Variants in UNC79 observed in about 807,000 individuals in gnomAD.
UNC79 encodes protein unc-79 homolog.
Under a neutral mutation model 283.1 loss-of-function variants are expected in UNC79, and 37 were observed. That is an observed-to-expected ratio of 0.13 (90% CI 0.10 to 0.17). The LOEUF is 0.17. UNC79 is among the 10% of genes least tolerant of loss of function. UNC79 has a pLI of 1.00. For synonymous variants in UNC79, 1,107 were observed against 1,200.2 expected (o/e 0.92, Z 1.61); for missense variants, 2,272 against 3,211.1 (o/e 0.71, Z 7.07).
chr14:93,344,837 G>T (rs2053790509), intron 1 of UNC79, among the ~76,000 whole-genome samples: 1 of 152,200 alleles, frequency 6.6e-6, no homozygotes, highest in South Asian at 2.1e-4. Context: ...TAGGGAGGTG[G>T]CCAGCCATGG....
chr14:93,477,268 T>G (rs561609770), intron 3 of UNC79, among the ~76,000 whole-genome samples: 8 of 152,312 alleles, frequency 5.3e-5, no homozygotes, highest in African/African-American at 1.4e-4. Flanking sequence ...TTATCTTGTG[T>G]AGAATGTAGT....
Position 93,653,724 on chromosome 14 carries a change from T to TC in UNC79, c.6084-14dup. 1 of 1,604,210 alleles carries TC rather than the reference T, an allele frequency of 6.2e-7. No homozygotes were observed. The highest frequency in any genetic ancestry group is 8.5e-7 in the Non-Finnish European group (1 of 1,172,990). ...CTGGCCCATGACTTCGTGTCTTTTCTCCCCTGTTCAACTCCAGCATGATGG... is the reference window on the plus strand; with the variant it reads ...CTGGCCCATGACTTCGTGTCTTTTCTCCCCCTGTTCAACTCCAGCATGATGG... On this transcript the variant is annotated splice_polypyrimidine_tract_variant and intron_variant, in intron 35 of 48. Coordinates refer to ENST00000555664, the Ensembl canonical transcript of UNC79.
At chr14:93,518,411 T>G (rs574600894) in intron 7 of UNC79, among the ~76,000 whole-genome samples, 85 of 152,140 alleles carry the variant, frequency 5.6e-4, no homozygotes, top group Non-Finnish European at 1.0e-3. Context: ...CTACCTTTCA[T>G]TCCTGATATT....
At position 93,452,375 on chromosome 14, in the gene UNC79, ATTTTTTT is replaced by A. The variant is rs35284465; in HGVS notation, c.23-15280_23-15274del. 3.7e-3 allele frequency among the ~76,000 whole-genome samples: 408 copies of A among 108,872 alleles called. 1 individual carries two copies. The highest frequency in any genetic ancestry group is 4.8e-3 in the Non-Finnish European group (262 of 54,948). 71.4% of individuals were successfully genotyped at this position (108,872 alleles called of 152,430 possible). A position where few individuals can be genotyped will look rare whatever the true frequency, so the allele number is the denominator to read the frequency against. Reference sequence around the variant, plus strand: ...GAACAGATTACACCTGGACTGCATGATTTTTTTTTTTTTTTTTTTTTTGAGACGGAGT... The same window carrying A: ...GAACAGATTACACCTGGACTGCATGATTTTTTTTTTTTTTTGAGACGGAGT... On this transcript the variant is annotated intron_variant, in intron 1 of 48. Coordinates refer to ENST00000555664, the Ensembl canonical transcript of UNC79.
chr14:93,367,625 A>C (rs2054362001), intron 1 of UNC79, among the ~76,000 whole-genome samples: 1 of 135,570 alleles, frequency 7.4e-6, no homozygotes, highest in African/African-American at 2.6e-5. Flanking sequence ...AGGTATGGTA[A>C]ATTGAAAAAA....
At chr14:93,525,227 C>T (rs1318970393) in intron 8 of UNC79, among the ~76,000 whole-genome samples, 1 of 151,994 alleles carries the variant, frequency 6.6e-6, no homozygotes, top group Non-Finnish European at 1.5e-5. Flanking sequence ...GGTGGATTGC[C>T]TGAGGTCGGG....
chr14:93,452,465 A>G (rs1193279939), intron 1 of UNC79, among the ~76,000 whole-genome samples: 1 of 147,618 alleles, frequency 6.8e-6, no homozygotes, highest in Non-Finnish European at 1.5e-5. Flanking sequence ...CTCGGCTCAC[A>G]GCAACCTCCG....
intron 39 of UNC79, among the ~76,000 whole-genome samples, chr14:93,659,890 TCTC>T (rs1203110891): frequency 1.3e-5 from 2 of 152,244 alleles, no homozygotes; most frequent in African/African-American, 4.8e-5. Context: ...GTGAACTCCT[TCTC>T]ATTCTTCAAG....
chr14:93,555,097 A>C (rs776733418), intron 14 of UNC79, among the ~76,000 whole-genome samples: 2 of 152,220 alleles, frequency 1.3e-5, no homozygotes, highest in Non-Finnish European at 2.9e-5. Flanking sequence ...GCAGTTCCTG[A>C]CCTGCCTAAT....
intron 1 of UNC79, among the ~76,000 whole-genome samples, chr14:93,377,374 G>A (rs763146733): frequency 2.6e-5 from 4 of 152,084 alleles, no homozygotes; most frequent in Admixed American, 6.5e-5. Context: ...GATTACAGGT[G>A]TGAGCCACTG....
chr14:93,480,949 C>T (rs2058099227), intron 4 of UNC79, among the ~76,000 whole-genome samples: 2 of 152,134 alleles, frequency 1.3e-5, no homozygotes, highest in Non-Finnish European at 2.9e-5. Context: ...AAAACATGAA[C>T]TGCTTTTCAG....
chr14:93,632,571 G>A (rs562337945), intron 31 of UNC79, among the ~76,000 whole-genome samples: 22 of 151,950 alleles, frequency 1.4e-4, no homozygotes, highest in South Asian at 8.3e-4. Context: ...GTGGTGGCGC[G>A]CACCATAGTC....
intron 23 of UNC79, among the ~76,000 whole-genome samples, chr14:93,595,922 ATG>A (rs1252659437): frequency 6.6e-6 from 1 of 152,144 alleles, no homozygotes; most frequent in East Asian, 1.9e-4. Flanking sequence ...TGGTATACAT[ATG>A]TGTGCTTAAT....
chr14:93,612,945 T>C (rs2066414314), exon 27 of UNC79: 2 of 1,614,126 alleles, frequency 1.2e-6, no homozygotes, highest in South Asian at 1.1e-5. Context: ...ACATCAGCAG[T>C]GCAAAGGCCT....
intron 1 of UNC79, among the ~76,000 whole-genome samples, chr14:93,417,997 C>T (rs570345178): frequency 1.2e-4 from 18 of 151,898 alleles, no homozygotes; most frequent in African/African-American, 3.1e-4. Flanking sequence ...GTAGTTTGAT[C>T]GTCTGAAGCC....
intron 1 of UNC79, among the ~76,000 whole-genome samples, chr14:93,353,972 A>G (rs1303746666): frequency 6.6e-6 from 1 of 152,234 alleles, no homozygotes; most frequent in East Asian, 1.9e-4. Flanking sequence ...GGGTATGGAA[A>G]ATAGCCATGG....
chr14:93,356,641 G>A (rs2054091454), intron 1 of UNC79, among the ~76,000 whole-genome samples: 1 of 152,200 alleles, frequency 6.6e-6, no homozygotes, highest in Non-Finnish European at 1.5e-5. Context: ...TAGATGAGCA[G>A]AAATAACTGG....
At chr14:93,578,154 C>T in intron 18 of UNC79, 91 bp downstream of exon 18, 1 of 1,226,960 alleles carries the variant, frequency 8.2e-7, no homozygotes, top group Non-Finnish European at 1.1e-6. Context: ...GGCATCTCCA[C>T]ACTTATCAAA....
intron 20 of UNC79, among the ~76,000 whole-genome samples, chr14:93,585,150 G>A (rs77633871): frequency 0.03 from 4,591 of 152,250 alleles, 233 homozygotes; most frequent in African/African-American, 0.11. Flanking sequence ...TGTCTTGCAG[G>A]ATGCAGTTAT....
Sources: allele counts gnomAD v4.1 joint callset (sites outside exome capture counted in the v4.1 genomes callset), GRCh38; gene constraint gnomAD v4.1.1; transcripts MANE v1.5; gene names NCBI Gene and HGNC (gene_info 2026-07-23, HGNC 2026-07-21).